The following PFKP variants were observed in gnomAD, a reference collection of about 807,000 sequenced individuals.
PFKP encodes ATP-dependent 6-phosphofructokinase, platelet type.
Under a neutral mutation model 94.3 loss-of-function variants are expected in PFKP, and 101 were observed. That is an observed-to-expected ratio of 1.07 (90% CI 0.91 to 1.26). The LOEUF (loss-of-function observed/expected upper bound fraction) is 1.26, where lower values mean the gene tolerates loss of function less well. Ranked by LOEUF, PFKP falls within the 50% of genes most tolerant of loss-of-function variation. PFKP has a pLI of 0.00. For synonymous variants in PFKP, 573 were observed against 432.6 expected, an observed-to-expected ratio of 1.32 and a Z score of -4.03; for missense variants, 1,145 against 1,103.3, an observed-to-expected ratio of 1.04 and a Z score of -0.53.
At chr10:3,096,038 ATGT>A (rs772062367) in intron 2 of PFKP, among the ~76,000 whole-genome samples, 67 of 152,214 alleles carry the variant, frequency 4.4e-4, no homozygotes, top group Non-Finnish European at 7.6e-4. Flanking sequence ...ACTTTTCAAA[ATGT>A]TGTGGTTTGC....
Position 3,109,422 on chromosome 10 carries a change from TC to T in PFKP, c.1032del (p.Val345CysfsTer3), listed in dbSNP as rs1835940676. On this transcript the variant is annotated frameshift_variant, in exon 10 of 22. Coordinates refer to ENST00000381125, the MANE Select transcript of PFKP (RefSeq NM_002627.5). LOFTEE classifies it high-confidence loss of function. ...GCCACCCCGGACACCCCAGCTTGCG[TC>T]GTGTCACTGAACGGGAACCACGCCG... ...LEATPDTPAC[V>X]VSLNGNHAVR... 4 of 1,609,652 alleles carry T rather than the reference TC, an allele frequency of 2.5e-6. No homozygotes were observed. Among genetic ancestry groups the T allele is most frequent in the Non-Finnish European group, 3.4e-6 (4 of 1,179,962 alleles).
intron 16 of PFKP, among the ~76,000 whole-genome samples, chr10:3,125,916 A>C (rs1837897914): frequency 6.6e-6 from 1 of 152,190 alleles, no homozygotes; most frequent in Non-Finnish European, 1.5e-5. Flanking sequence ...TGCAGACAGG[A>C]CGGTGGCCAC....
At chr10:3,125,248 A>G in intron 16 of PFKP, 1 of 1,308,784 alleles carries the variant, frequency 7.6e-7, no homozygotes, top group East Asian at 5.2e-5. Flanking sequence ...GCTGTTGTTG[A>G]GGTAAGAGAA....
chr10:3,102,172 A>G (rs1213356493), intron 4 of PFKP, among the ~76,000 whole-genome samples: 3 of 132,460 alleles, frequency 2.3e-5, no homozygotes, highest in African/African-American at 5.6e-5. Flanking sequence ...AATGGCGTGA[A>G]CCCGGGAGGC....
intron 2 of PFKP, among the ~76,000 whole-genome samples, chr10:3,096,226 C>T (rs996834782): frequency 1.3e-5 from 2 of 152,114 alleles, no homozygotes; most frequent in Admixed American, 6.5e-5. Context: ...TCCGGGATAG[C>T]GCGTGCTCCA....
intron 14 of PFKP, 37 bp downstream of exon 14, chr10:3,116,883 AG>A: frequency 1.4e-6 from 2 of 1,424,754 alleles, no homozygotes; most frequent in Non-Finnish European, 2.0e-6. Context: ...CCTGCTTTTA[AG>A]GAAGAAGGAA....
At chr10:3,081,977 CTTTTTTTTTTTTTTTTTTT>C (rs547880338) in intron 1 of PFKP, among the ~76,000 whole-genome samples, 2 of 68,432 alleles carry the variant, frequency 2.9e-5, no homozygotes, top group Non-Finnish European at 5.1e-5. Flanking sequence ...AGCCCATTGC[CTTTTTTTTTTTTTTTTTTT>C]TTTTTTTTTT....
chr10:3,079,705 G>A (rs981737902), intron 1 of PFKP, among the ~76,000 whole-genome samples: 2 of 145,270 alleles, frequency 1.4e-5, no homozygotes, highest in Non-Finnish European at 3.0e-5. Context: ...GCCGCCATTG[G>A]GTCTTAGTTG....
intron 1 of PFKP, among the ~76,000 whole-genome samples, chr10:3,077,546 A>G (rs111509041): frequency 1.1e-3 from 169 of 151,888 alleles, no homozygotes; most frequent in Middle Eastern, 0.01. Flanking sequence ...GATTACAGGC[A>G]TGAGGCATCG....
chr10:3,119,593 A>G (rs146044199), intron 15 of PFKP, among the ~76,000 whole-genome samples: 2,759 of 120,336 alleles, frequency 0.023, 65 homozygotes, highest in Admixed American at 0.073. Context: ...CCACAAAGCG[A>G]GACTCCGTCT....
chr10:3,091,965 C>T (rs1169892783), intron 2 of PFKP, among the ~76,000 whole-genome samples: 1 of 152,120 alleles, frequency 6.6e-6, no homozygotes, highest in Non-Finnish European at 1.5e-5. Context: ...TTAAAAATAA[C>T]ACATTCAAAA....
intron 2 of PFKP, among the ~76,000 whole-genome samples, chr10:3,093,796 A>G (rs1588442251): frequency 6.6e-6 from 1 of 151,962 alleles, no homozygotes; most frequent in Non-Finnish European, 1.5e-5. Context: ...GGCTCCCGCC[A>G]CCACACCCGG....
chr10:3,133,017 T>G (rs1838772607), intron 18 of PFKP, among the ~76,000 whole-genome samples, 186 bp from the exon 19 acceptor site: 1 of 152,224 alleles, frequency 6.6e-6, no homozygotes, highest in African/African-American at 2.4e-5. Flanking sequence ...GGGCCTCAGT[T>G]GACCACTGGA....
chr10:3,101,970 G>C (rs938185150), intron 4 of PFKP, among the ~76,000 whole-genome samples: 1 of 150,802 alleles, frequency 6.6e-6, no homozygotes, highest in African/African-American at 2.4e-5. Flanking sequence ...ACTGAAGTTG[G>C]GCCGGGCGCG....
At chr10:3,113,301 T>C (rs1259561326) in intron 12 of PFKP, 71 bp from the exon 13 acceptor site, 3 of 1,576,796 alleles carry the variant, frequency 1.9e-6, no homozygotes, top group Non-Finnish European at 2.6e-6. Flanking sequence ...CATGAGCCAC[T>C]GCCAAAGTGT....
chr10:3,116,540 A>T (rs900404258), intron 13 of PFKP, among the ~76,000 whole-genome samples: 4 of 152,212 alleles, frequency 2.6e-5, no homozygotes, highest in Non-Finnish European at 4.4e-5. Flanking sequence ...TGAGACACAG[A>T]GGCCCCGACA....
intron 16 of PFKP, among the ~76,000 whole-genome samples, chr10:3,127,622 G>C (rs570569503): frequency 6.6e-6 from 1 of 152,282 alleles, no homozygotes; most frequent in African/African-American, 2.4e-5. Context: ...GGTACAGGTG[G>C]AACAGTGCAA....
intron 10 of PFKP, among the ~76,000 whole-genome samples, chr10:3,110,865 T>C (rs1836140775): frequency 6.6e-6 from 1 of 151,414 alleles, no homozygotes; most frequent in Non-Finnish European, 1.5e-5. Flanking sequence ...TGCATGTTTG[T>C]GGTAGTATGT....
At chr10:3,101,062 C>T (rs566870173) in intron 3 of PFKP, 129 of 1,354,754 alleles carry the variant, frequency 9.5e-5, no homozygotes, top group African/African-American at 7.9e-4. Flanking sequence ...GGTGCTGAGG[C>T]GGCTGCTGTG....
Sources: allele counts gnomAD v4.1 joint callset (sites outside exome capture counted in the v4.1 genomes callset), GRCh38; gene constraint gnomAD v4.1.1; transcripts MANE v1.5; gene names NCBI Gene and HGNC (gene_info 2026-07-23, HGNC 2026-07-21).